CCDC85C: variants seen among roughly 807,000 people sequenced by gnomAD.
The protein encoded by CCDC85C is coiled-coil domain-containing protein 85C.
A neutral mutation model predicts 38.3 loss-of-function variants in CCDC85C; 18 were observed. That is an observed-to-expected ratio of 0.47 (90% confidence interval 0.33 to 0.70). CCDC85C has a LOEUF of 0.70. CCDC85C is among the 30% of genes least tolerant of loss of function. The pLI is 0.03. For synonymous variants in CCDC85C, 264 were observed against 293.8 expected (o/e 0.90, Z 1.04); for missense variants, 566 against 621.2 (o/e 0.91, Z 0.94).
intron 2 of CCDC85C, among the ~76,000 whole-genome samples, chr14:99,531,442 C>T (rs534143590): frequency 6.6e-6 from 1 of 152,254 alleles, no homozygotes; most frequent in East Asian, 1.9e-4. Flanking sequence ...GATGAATCAT[C>T]GTGGAGGAAG....
rs1284220668 is a variant in CCDC85C at position 99,544,412 on chromosome 14, A to G, written c.794-8324T>C. ...ACAGCAACTTTCACCTACTCCCCCAACAAAGAGACCGAGGTTCCGAGGGGC... is the reference window on the plus strand; with the variant it reads ...ACAGCAACTTTCACCTACTCCCCCAGCAAAGAGACCGAGGTTCCGAGGGGC... On this transcript the variant is annotated intron_variant, in intron 1 of 5. Coordinates refer to ENST00000380243, the MANE Select transcript of CCDC85C (RefSeq NM_001144995.2). The surrounding 1 kb of genome is among the most constrained non-coding windows in gnomAD (Gnocchi z 5.3). Among the ~76,000 whole-genome samples, 1 of 152,070 alleles carries G rather than the reference A, an allele frequency of 6.6e-6. No individual in the cohort carries two copies. Among genetic ancestry groups the G allele is most frequent in the Non-Finnish European group, 1.5e-5 (1 of 68,006 alleles).
intron 1 of CCDC85C, among the ~76,000 whole-genome samples, chr14:99,574,467 T>A (rs1236440185): frequency 1.3e-5 from 2 of 151,384 alleles, no homozygotes; most frequent in African/African-American, 4.9e-5. Flanking sequence ...CCTCACCCCA[T>A]CCCCACTCAC....
intron 1 of CCDC85C, among the ~76,000 whole-genome samples, chr14:99,564,645 T>C (rs1441650384): frequency 2.0e-5 from 3 of 152,190 alleles, no homozygotes; most frequent in Non-Finnish European, 4.4e-5. Flanking sequence ...CGAGGGCCTG[T>C]CATGCAGTCC....
chr14:99,527,937 C>T (rs930691005), intron 2 of CCDC85C, among the ~76,000 whole-genome samples: 2 of 152,206 alleles, frequency 1.3e-5, no homozygotes, highest in African/African-American at 4.8e-5. Flanking sequence ...AGAAGGGGCT[C>T]ACACCACGGA....
chr14:99,601,958 C>T (rs899543764), intron 1 of CCDC85C, among the ~76,000 whole-genome samples: 1 of 151,520 alleles, frequency 6.6e-6, no homozygotes. Context: ...CACTTGGCCA[C>T]CAAACTAAGG....
rs200996508 is a variant in CCDC85C at position 99,504,398 on chromosome 14, C to CT, written c.*10847dup. The CT allele has an allele frequency of 4.9e-3, 677 of 136,864 alleles. 6 individuals carry two copies. Among genetic ancestry groups the CT allele is most frequent in the South Asian group, 0.044 (192 of 4,316 alleles). The allele number at this position is 136,864 out of a possible 1,614,324, so 8.5% of individuals were successfully genotyped here. ...AAATCTTCCAGTTATGATAGAGCTACTTTTTTTTTTTTTCCAGTATATTTG... is the reference window on the plus strand; with the variant it reads ...AAATCTTCCAGTTATGATAGAGCTACTTTTTTTTTTTTTTCCAGTATATTTG... On this transcript the variant is annotated 3_prime_UTR_variant, in exon 6 of 6. Coordinates refer to ENST00000380243, the MANE Select transcript of CCDC85C (RefSeq NM_001144995.2).
At chr14:99,592,111 C>A (rs971441422) in intron 1 of CCDC85C, among the ~76,000 whole-genome samples, 1 of 152,208 alleles carries the variant, frequency 6.6e-6, no homozygotes, top group Non-Finnish European at 1.5e-5. Context: ...GGCTTCCCAG[C>A]GGAATTCCCT....
At chr14:99,583,582 G>A (rs997976596) in intron 1 of CCDC85C, among the ~76,000 whole-genome samples, 8 of 151,544 alleles carry the variant, frequency 5.3e-5, no homozygotes, top group Admixed American at 2.0e-4. Flanking sequence ...CGAGGCGGGC[G>A]GATCACAAGG....
At chr14:99,521,794 C>A (rs1025038032) in intron 3 of CCDC85C, among the ~76,000 whole-genome samples, 1 of 152,240 alleles carries the variant, frequency 6.6e-6, no homozygotes, top group East Asian at 1.9e-4. Flanking sequence ...AGTGCAGAAT[C>A]CACAAACCTG....
At chr14:99,571,875 CTGGCACCTCT>C (rs904232030) in intron 1 of CCDC85C, among the ~76,000 whole-genome samples, 1 of 152,176 alleles carries the variant, frequency 6.6e-6, no homozygotes, top group African/African-American at 2.4e-5. Flanking sequence ...TTCCTGCTTT[CTGGCACCTCT>C]TGGCACATGG....
intron 2 of CCDC85C, among the ~76,000 whole-genome samples, chr14:99,529,317 G>T (rs1897448827): frequency 1.3e-5 from 2 of 152,154 alleles, no homozygotes; most frequent in Non-Finnish European, 2.9e-5. Context: ...TTCCAGTGAG[G>T]TAAGTGAGGG....
chr14:99,503,536 G>C lies in CCDC85C; in HGVS notation c.*11710C>G, dbSNP rs1566752030. ...GTGACTGCCGTCGCTGATTCTGGTG[G>C]TACCTGGATAATCCATTTTTTTCTC... On this transcript the variant is annotated 3_prime_UTR_variant, in exon 6 of 6. Transcript: ENST00000380243. The C allele has an allele frequency of 7.7e-7, 1 of 1,299,326 alleles. No individual in the cohort carries two copies. Among genetic ancestry groups the C allele is most frequent in the East Asian group, 2.5e-5 (1 of 39,616 alleles). The allele number at this position is 1,299,326 out of a possible 1,614,324, so 80.5% of individuals were successfully genotyped here.
At position 99,533,075 on chromosome 14, in the gene CCDC85C, C is replaced by A. The variant is rs1897525163; in HGVS notation, c.867+2940G>T. On this transcript the variant is annotated intron_variant, in intron 2 of 5. Transcript: ENST00000380243. The surrounding 1 kb of genome is among the most constrained non-coding windows in gnomAD (Gnocchi z 4.2). Reference sequence around the variant, plus strand: ...GGGGTTACAGGTGTGAGCCACCACACCCAGCCGTGGCTCCTCTGGTTCTGC... The same window carrying A: ...GGGGTTACAGGTGTGAGCCACCACAACCAGCCGTGGCTCCTCTGGTTCTGC... Among the ~76,000 whole-genome samples, 1 of 152,220 alleles carries A rather than the reference C, an allele frequency of 6.6e-6. No individual in the cohort carries two copies. Among genetic ancestry groups the A allele is most frequent in the Non-Finnish European group, 1.5e-5 (1 of 68,044 alleles).
chr14:99,540,761 G>T (rs1348914100), intron 1 of CCDC85C, among the ~76,000 whole-genome samples: 3 of 152,200 alleles, frequency 2.0e-5, no homozygotes, highest in African/African-American at 4.8e-5. Flanking sequence ...CCAGACCTAA[G>T]CTCCCCTCAC....
rs1316703414 is a variant in CCDC85C, at chr14:99,572,803, G to A, written c.793+30364C>T. 1 of 456,118 alleles carries A rather than the reference G, an allele frequency of 2.2e-6. No individual in the cohort carries two copies. Among genetic ancestry groups the A allele is most frequent in the Non-Finnish European group, 4.4e-6 (1 of 226,808 alleles). 28.3% of individuals were successfully genotyped at this position (456,118 alleles called of 1,614,324 possible). On this transcript the variant is annotated intron_variant, in intron 1 of 5. Transcript: ENST00000380243. The surrounding 1 kb of genome is among the most constrained non-coding windows in gnomAD (Gnocchi z 4.4). The stretch of plus-strand genomic sequence containing the variant: ...GAGACTTCTGTCTGTCTTGCTTCAT[G>A]GAAGTATCCCAGGAGCATGGAAACG...
In CCDC85C at chr14:99,503,961, C is replaced by A; in HGVS notation, c.*11285G>T. 1 of 368,704 alleles carries A rather than the reference C, an allele frequency of 2.7e-6. No individual in the cohort carries two copies. Among genetic ancestry groups the A allele is most frequent in the South Asian group, 2.4e-5 (1 of 42,362 alleles). 22.8% of individuals were successfully genotyped at this position (368,704 alleles called of 1,614,324 possible). On this transcript the variant is annotated 3_prime_UTR_variant, in exon 6 of 6. Transcript: ENST00000380243. ...ATTTTTAGAGACTATTTACCCCCAT[C>A]ACAGCAGCAGGAGTCCTCTCCCAAG...
At chr14:99,552,638 G>A (rs2139939129) in intron 1 of CCDC85C, among the ~76,000 whole-genome samples, 1 of 152,282 alleles carries the variant, frequency 6.6e-6, no homozygotes, top group East Asian at 1.9e-4. Context: ...TGTCTGAGGT[G>A]TGGGAGGGGT....
Position 99,511,445 on chromosome 14 carries a change from T to C in CCDC85C, c.*3801A>G, listed in dbSNP as rs944445056. ...TTTAAGTGTGAATGTAACAACATACTGTGAATTCCATCTTGGTTACAAATG... is the reference window on the plus strand; with the variant it reads ...TTTAAGTGTGAATGTAACAACATACCGTGAATTCCATCTTGGTTACAAATG... On this transcript the variant is annotated 3_prime_UTR_variant, in exon 6 of 6. Transcript: ENST00000380243. The C allele has an allele frequency of 6.6e-6, 1 of 152,548 alleles. No individual in the cohort carries two copies. Among genetic ancestry groups the C allele is most frequent in the Non-Finnish European group, 1.5e-5 (1 of 68,034 alleles). 9.4% of individuals were successfully genotyped at this position (152,548 alleles called of 1,614,324 possible).
rs1349675131 is a variant in CCDC85C at position 99,505,182 on chromosome 14, A to T, written c.*10064T>A. The T allele has an allele frequency of 6.6e-6, 1 of 152,252 alleles. No homozygotes were observed. Among genetic ancestry groups the T allele is most frequent in the Non-Finnish European group, 1.5e-5 (1 of 68,066 alleles). The allele number at this position is 152,252 out of a possible 1,614,324, so 9.4% of individuals were successfully genotyped here. A position where few individuals can be genotyped will look rare whatever the true frequency, so the allele number is the denominator to read the frequency against. On this transcript the variant is annotated 3_prime_UTR_variant, in exon 6 of 6. Coordinates refer to ENST00000380243, the MANE Select transcript of CCDC85C (RefSeq NM_001144995.2). ...TTCATTTGAGAAGGAGTCCCCTGGCAGCAGTAAATAGGGCAAGTGGTTAGG... is the reference window on the plus strand; with the variant it reads ...TTCATTTGAGAAGGAGTCCCCTGGCTGCAGTAAATAGGGCAAGTGGTTAGG...
Sources: allele counts gnomAD v4.1 joint callset (sites outside exome capture counted in the v4.1 genomes callset), GRCh38; gene constraint gnomAD v4.1.1; non-coding constraint Gnocchi (gnomAD v3.1); transcripts MANE v1.5; gene names NCBI Gene and HGNC (gene_info 2026-07-23, HGNC 2026-07-21).